Variants in VPS13A observed in about 807,000 individuals in gnomAD.
The protein encoded by VPS13A is intermembrane lipid transfer protein VPS13A.
VPS13A carries 264 observed loss-of-function variants against 390.9 expected under a neutral mutation model. The ratio of observed to expected loss-of-function variants is 0.68; its 90% CI spans 0.61 to 0.75. The LOEUF (loss-of-function observed/expected upper bound fraction) is 0.75. VPS13A is among the 30% of genes least tolerant of loss of function. The pLI, the probability that VPS13A is intolerant of heterozygous loss-of-function variation, is 0.00. For missense variants in VPS13A, 3,409 were observed against 3,733.9 expected, an observed-to-expected ratio of 0.91 and a Z score of 2.27; for synonymous variants, 1,231 against 1,227.1, an observed-to-expected ratio of 1.00 and a Z score of -0.07.
intron 13 of VPS13A, among the ~76,000 whole-genome samples, 174 bp from the exon 14 acceptor site, chr9:77,225,752 A>G (rs1823471686): frequency 6.6e-6 from 1 of 152,184 alleles, no homozygotes; most frequent in Non-Finnish European, 1.5e-5. Flanking sequence ...ATGCTGATAT[A>G]TGTTCAAGCA....
chr9:77,185,331 G>A (rs977953312), intron 1 of VPS13A, among the ~76,000 whole-genome samples: 4 of 152,038 alleles, frequency 2.6e-5, no homozygotes, highest in Admixed American at 1.3e-4. Context: ...TAGTAGAGAC[G>A]GAGTTTCACC....
chr9:77,184,113 G>A (rs1016626533), intron 1 of VPS13A, among the ~76,000 whole-genome samples: 5 of 152,190 alleles, frequency 3.3e-5, no homozygotes, highest in Non-Finnish European at 4.4e-5. Flanking sequence ...AATCTTAAGT[G>A]TACATTGACT....
chr9:77,292,331 C>A (rs1169461669), intron 31 of VPS13A, among the ~76,000 whole-genome samples: 1 of 152,140 alleles, frequency 6.6e-6, no homozygotes, highest in Middle Eastern at 3.2e-3. Context: ...TCCTCTCTAC[C>A]ACAAGTGAGC....
chr9:77,225,202 G>T (rs1458142322), intron 13 of VPS13A, among the ~76,000 whole-genome samples: 1 of 152,188 alleles, frequency 6.6e-6, no homozygotes. Flanking sequence ...TATCTCTGAG[G>T]TATGCCTGTA....
At chr9:77,243,367 T>C (rs1298961300) in intron 19 of VPS13A, among the ~76,000 whole-genome samples, 3 of 152,194 alleles carry the variant, frequency 2.0e-5, no homozygotes, top group Non-Finnish European at 2.9e-5. Flanking sequence ...GATCATGTTA[T>C]TGTGGTGCTG....
rs1214470800 is a variant in VPS13A, at chr9:77,399,195, A to T, written c.9190-4041A>T. 1.6e-3 allele frequency among the ~76,000 whole-genome samples: 166 copies of T among 105,288 alleles called. 1 individual carries two copies. The highest frequency in any genetic ancestry group is 4.5e-3 in the Admixed American group (42 of 9,276). The allele number at this position is 105,288 out of a possible 152,430, so 69.1% of individuals were successfully genotyped here. ...AAAAAAAAAAATAAAAAAAAAAAAAAAAAAAAAAAACAAAGGATACGGTTG... is the reference window on the plus strand; with the variant it reads ...AAAAAAAAAAATAAAAAAAAAAAAATAAAAAAAAAACAAAGGATACGGTTG... On this transcript the variant is annotated intron_variant, in intron 68 of 71. Transcript: ENST00000360280.
intron 68 of VPS13A, among the ~76,000 whole-genome samples, chr9:77,383,882 C>T (rs1204977359): frequency 6.6e-6 from 1 of 151,638 alleles, no homozygotes; most frequent in Admixed American, 6.6e-5. Flanking sequence ...TAGGGATTCA[C>T]CAAGTACCTT....
chr9:77,380,892 T>C (rs1050294361), intron 67 of VPS13A, among the ~76,000 whole-genome samples: 10 of 152,212 alleles, frequency 6.6e-5, no homozygotes, highest in African/African-American at 1.2e-4. Flanking sequence ...GCTGCTGATA[T>C]GACAGGAGGT....
chr9:77,295,478 C>T, intron 32 of VPS13A, 64 bp from the exon 33 acceptor site: 1 of 1,313,036 alleles, frequency 7.6e-7, no homozygotes. Flanking sequence ...CCATAAATAT[C>T]AATATATATT....
rs58682676 is a variant in VPS13A at position 77,206,328 on chromosome 9, T to TA, written c.385+249_385+250insA. Among the ~76,000 whole-genome samples, 57,577 of 147,466 alleles carry TA rather than the reference T, an allele frequency of 0.39. 11,522 individuals are homozygous for TA. Among genetic ancestry groups the TA allele is most frequent in the East Asian group, 0.56 (2,777 of 4,984 alleles). On this transcript the variant is annotated intron_variant, in intron 5 of 71. Coordinates refer to ENST00000360280, the MANE Select transcript of VPS13A (RefSeq NM_033305.3). ...TTATTATTATTAGGTTTACATATTT[T>TA]TTATATATATATATATACACACACA...
Position 77,391,134 on chromosome 9 carries a change from T to A in VPS13A, c.9189+9047T>A, listed in dbSNP as rs1475464603. 3.9e-5 allele frequency among the ~76,000 whole-genome samples: 6 copies of A among 152,164 alleles called. No individual in the cohort carries two copies. In the East Asian group the frequency reaches 1.2e-3, roughly 29 times the overall value. ...CCTTAATTAAGCAAAGTTGCTAAATTCTGATACAGGACTCAACTCATGATT... is the reference window on the plus strand; with the variant it reads ...CCTTAATTAAGCAAAGTTGCTAAATACTGATACAGGACTCAACTCATGATT... On this transcript the variant is annotated intron_variant, in intron 68 of 71. Transcript: ENST00000360280.
intron 45 of VPS13A, among the ~76,000 whole-genome samples, chr9:77,324,733 AG>A (rs2131459656): frequency 6.6e-6 from 1 of 152,226 alleles, no homozygotes; most frequent in Non-Finnish European, 1.5e-5. Flanking sequence ...GCTGGAGGGC[AG>A]TGGTGCCATC....
rs766694176 is a variant in VPS13A at position 77,283,393 on chromosome 9, C to G, written c.3157C>G (p.Gln1053Glu). The change falls in exon 30 of 72, where the codon CAG becomes GAG. Residue 1053 changes from glutamine (Q) to glutamate (E), a missense_variant. This residue lies in a region of VPS13A where 2,717 missense variants were observed against 2,917.4 expected (regional missense o/e 0.93). Transcript: ENST00000360280. ...CACAAATGAAGATATCATTACTTTG[C>G]AGATTTTAGCAGAATTATCGTGTTT... is the stretch of plus-strand genomic sequence containing the variant. ...LSTNEDIITL[Q>E]ILAELSCLQI... 3.7e-5 allele frequency: 60 copies of G among 1,606,216 alleles called. No individual in the cohort carries two copies. Among genetic ancestry groups the G allele is most frequent in the Non-Finnish European group, 4.9e-5 (58 of 1,173,970 alleles).
At chr9:77,258,191 A>G (rs1297317321) in intron 22 of VPS13A, among the ~76,000 whole-genome samples, 1 of 152,096 alleles carries the variant, frequency 6.6e-6, no homozygotes, top group East Asian at 1.9e-4. Flanking sequence ...AAATATTCAG[A>G]CCTCAGGCAC....
chr9:77,340,604 A>G, intron 50 of VPS13A, 54 bp downstream of exon 50: 1 of 1,602,598 alleles, frequency 6.2e-7, no homozygotes, highest in Non-Finnish European at 8.5e-7. Flanking sequence ...TTCTCCTTGA[A>G]GTTAGATACC....
At chr9:77,377,218 T>G (rs1358525235) in intron 67 of VPS13A, among the ~76,000 whole-genome samples, 2 of 133,994 alleles carry the variant, frequency 1.5e-5, no homozygotes, top group African/African-American at 2.8e-5. Flanking sequence ...TTTTTTTTTT[T>G]TTTTTTTTTT....
Position 77,416,727 on chromosome 9 carries a change from A to T in VPS13A, c.*721A>T, listed in dbSNP as rs1835179887. On this transcript the variant is annotated 3_prime_UTR_variant, in exon 72 of 72. Coordinates refer to ENST00000360280, the MANE Select transcript of VPS13A (RefSeq NM_033305.3). The stretch of plus-strand genomic sequence containing the variant: ...TTAGGGCCTTTGAAATATTTCCTCA[A>T]GCCTATTTCATGAGATCTACTTGGT... The T allele has an allele frequency of 6.6e-6, 1 of 152,606 alleles. No homozygotes were observed. The highest frequency in any genetic ancestry group is 6.5e-5 in the Admixed American group (1 of 15,280). The allele number at this position is 152,606 out of a possible 1,614,324, so 9.5% of individuals were successfully genotyped here. A position where few individuals can be genotyped will look rare whatever the true frequency, so the allele number is the denominator to read the frequency against.
Position 77,219,989 on chromosome 9 carries a change from A to G in VPS13A, c.790A>G (p.Met264Val). ...CATATCTGCTAATGCCAAACTTGTG[A>G]TGAATCGCCGATCTGATTTTGACTT... ...RPISANAKLVMNRRSDFDFSA... is the reference protein window; with the variant it reads ...RPISANAKLVVNRRSDFDFSA... The change falls in exon 11 of 72, where the codon ATG (methionine) becomes GTG (valine). Residue 264 changes from methionine (M) to valine (V), a missense_variant. By Grantham distance (21) the Met-to-Val change is conservative. Transcript: ENST00000360280. The G allele has an allele frequency of 6.2e-7, 1 of 1,613,568 alleles. No homozygotes were observed. The highest frequency in any genetic ancestry group is 8.5e-7 in the Non-Finnish European group (1 of 1,179,696).
At chr9:77,320,846 T>G (rs184223704) in intron 42 of VPS13A, among the ~76,000 whole-genome samples, 1 of 152,200 alleles carries the variant, frequency 6.6e-6, no homozygotes, top group East Asian at 1.9e-4. Context: ...CTTTTTTCTG[T>G]CTGAGTTTTT....
Sources: gnomAD v4.1 joint callset for allele counts (sites outside exome capture counted in the v4.1 genomes callset) on GRCh38, gnomAD v4.1.1 for gene constraint, gnomAD v4.1.1 regional missense constraint, MANE v1.5 for transcripts, NCBI Gene and HGNC (gene_info 2026-07-23, HGNC 2026-07-21) for gene names.